Variants in FBXL2 observed in about 807,000 individuals in gnomAD.
The protein encoded by FBXL2 is F-box/LRR-repeat protein 2.
A neutral mutation model predicts 69.2 loss-of-function variants in FBXL2; 38 were observed. The ratio of observed to expected loss-of-function variants is 0.55; its 90% confidence interval spans 0.42 to 0.72. The LOEUF is 0.72. Ranked by LOEUF, FBXL2 falls within the 30% of genes least tolerant of loss-of-function variation. The pLI is 0.00. For missense variants in FBXL2, 354 were observed against 520.3 expected (o/e 0.68, Z 3.11); for synonymous variants, 192 against 201.3 (o/e 0.95, Z 0.39).
At chr3:33,333,993 T>C (rs370285913) in intron 2 of FBXL2, among the ~76,000 whole-genome samples, 17 of 152,300 alleles carry the variant, frequency 1.1e-4, no homozygotes, top group Middle Eastern at 3.4e-3. Context: ...AGTGTACTTT[T>C]AGCTGTGACC....
At chr3:33,360,954 CAG>C (rs1385636025) in intron 4 of FBXL2, among the ~76,000 whole-genome samples, 1 of 88,608 alleles carries the variant, frequency 1.1e-5, no homozygotes, top group Non-Finnish European at 2.0e-5. Context: ...TTTTTTGAGA[CAG>C]AGTCTCGCTC....
chr3:33,316,867 ACAGT>A (rs1459115384), intron 2 of FBXL2, among the ~76,000 whole-genome samples: 1 of 151,584 alleles, frequency 6.6e-6, no homozygotes, highest in Non-Finnish European at 1.5e-5. Context: ...AACTATCACC[ACAGT>A]CAGTGTATAG....
intron 10 of FBXL2, among the ~76,000 whole-genome samples, chr3:33,376,181 A>G (rs773732617): frequency 1.1e-4 from 17 of 152,050 alleles, no homozygotes; most frequent in Non-Finnish European, 2.1e-4. Flanking sequence ...AAAAAACAAT[A>G]ATTTGTATTC....
At chr3:33,394,314 G>A (rs1283690316) in intron 12 of FBXL2, among the ~76,000 whole-genome samples, 3 of 151,984 alleles carry the variant, frequency 2.0e-5, no homozygotes, top group South Asian at 2.1e-4. Context: ...CCAAAGTGCT[G>A]GGATTACAGG....
In FBXL2 at chr3:33,384,126, G is replaced by C. The variant is rs1430903631; in HGVS notation, c.1089G>C (p.Glu363Asp). The stretch of plus-strand genomic sequence containing the variant: ...CTGATGTGGCCCTGGAACACCTAGA[G>C]AACTGCCGAGGCCTGGAGCGCCTCG... ...LITDVALEHLENCRGLERLEL... is the reference protein window; with the variant it reads ...LITDVALEHLDNCRGLERLEL... Residue 363 changes from glutamate (E) to aspartate (D), a missense_variant, in exon 14 of 15, where the codon GAG becomes GAC. Transcript: ENST00000484457. The C allele has an allele frequency of 3.1e-6, 5 of 1,614,010 alleles. No individual in the cohort carries two copies. Among genetic ancestry groups the C allele is most frequent in the African/African-American group, 2.7e-5 (2 of 74,906 alleles).
At chr3:33,395,750 G>GAAAAAAAAA (rs61654235) in intron 12 of FBXL2, among the ~76,000 whole-genome samples, 125 of 69,688 alleles carry the variant, frequency 1.8e-3, no homozygotes, top group African/African-American at 3.9e-3. Context: ...CAGGAAAATT[G>GAAAAAAAAA]AAAAAAAAAA....
At chr3:33,416,691 T>C in the FBXL2 span, 15,958 of 1,263,592 alleles carry the variant, frequency 0.013, 130 homozygotes, top group Non-Finnish European at 0.015. Flanking sequence ...GAAATTAATT[T>C]TTTTTTAAAC....
intron 2 of FBXL2, among the ~76,000 whole-genome samples, chr3:33,342,998 C>T (rs1247477719): frequency 4.0e-5 from 6 of 150,540 alleles, no homozygotes. Context: ...CCTTGGCTTC[C>T]CAAAGTGCTA....
intron 13 of FBXL2, among the ~76,000 whole-genome samples, chr3:33,382,123 C>T (rs2043105876): frequency 6.6e-6 from 1 of 152,180 alleles, no homozygotes; most frequent in African/African-American, 2.4e-5. Flanking sequence ...CTCAGGTCTC[C>T]TCTGCCAGGA....
rs576995143 is a variant in FBXL2 at position 33,387,634 on chromosome 3, C to G, written c.*2026C>G. 4.0e-5 allele frequency: 6 copies of G among 149,360 alleles called. No homozygotes were observed. Among genetic ancestry groups the G allele is most frequent in the East Asian group, 4.0e-4 (2 of 4,994 alleles). 9.3% of individuals were successfully genotyped at this position (149,360 alleles called of 1,614,324 possible). A position where few individuals can be genotyped will look rare whatever the true frequency, so the allele number is the denominator to read the frequency against. On this transcript the variant is annotated 3_prime_UTR_variant, in exon 15 of 15. Transcript: ENST00000484457. ...TCTCAAAACAAAACAAACAAACAAA[C>G]AAAACAAACCACCAGAGCCTTCTAT...
chr3:33,355,400 A>G (rs2041130125), intron 2 of FBXL2, among the ~76,000 whole-genome samples: 1 of 152,220 alleles, frequency 6.6e-6, no homozygotes. Context: ...TATTGTAAAA[A>G]TCTCAATTAT....
chr3:33,392,978 G>A, downstream of FBXL2: 1 of 310,788 alleles, frequency 3.2e-6, no homozygotes, highest in Non-Finnish European at 5.8e-6. Flanking sequence ...TTTTAAATTA[G>A]TCATCAAATA....
intron 2 of FBXL2, among the ~76,000 whole-genome samples, chr3:33,310,516 T>C (rs541762099): frequency 3.5e-4 from 53 of 152,322 alleles, no homozygotes; most frequent in African/African-American, 1.3e-3. Flanking sequence ...GCCATAATTA[T>C]AGTGTTAGAG....
chr3:33,349,890 AT>A (rs2040709043), intron 2 of FBXL2, among the ~76,000 whole-genome samples: 1 of 152,224 alleles, frequency 6.6e-6, no homozygotes, highest in African/African-American at 2.4e-5. Context: ...AAGAAATGTA[AT>A]TAATAGTTAA....
chr3:33,407,744 A>G (rs759351500), downstream of FBXL2, among the ~76,000 whole-genome samples: 45 of 152,218 alleles, frequency 3.0e-4, no homozygotes, highest in Admixed American at 4.6e-4. Context: ...AGCAATTGCG[A>G]TATGTGTAAG....
chr3:33,371,330 ATTTTTTTT>A (rs749436186), intron 5 of FBXL2, among the ~76,000 whole-genome samples: 1 of 134,140 alleles, frequency 7.5e-6, no homozygotes, highest in Non-Finnish European at 1.6e-5. Flanking sequence ...ATACCAGCTA[ATTTTTTTT>A]TTTTTTTTTT....
At chr3:33,353,456 G>A (rs187880217) in intron 2 of FBXL2, among the ~76,000 whole-genome samples, 30 of 152,306 alleles carry the variant, frequency 2.0e-4, no homozygotes, top group Non-Finnish European at 3.1e-4. Context: ...ATAAAACACC[G>A]TAAGTTATCA....
intron 2 of FBXL2, among the ~76,000 whole-genome samples, chr3:33,305,048 A>T (rs2036596706): frequency 6.6e-6 from 1 of 151,970 alleles, no homozygotes; most frequent in Non-Finnish European, 1.5e-5. Flanking sequence ...ATTAATGTTT[A>T]GCTGACAAAT....
downstream of FBXL2, among the ~76,000 whole-genome samples, chr3:33,405,327 A>C (rs2044388977): frequency 6.6e-6 from 1 of 152,222 alleles, no homozygotes. Context: ...AATGAACAAT[A>C]GCAGTGGTCA....
Sources: gnomAD v4.1 joint callset for allele counts (sites outside exome capture counted in the v4.1 genomes callset) on GRCh38, gnomAD v4.1.1 for gene constraint, MANE v1.5 for transcripts, NCBI Gene and HGNC (gene_info 2026-07-23, HGNC 2026-07-21) for gene names.